CPNE4: variants seen among roughly 807,000 people sequenced by gnomAD.
CPNE4 encodes copine-4.
Under a neutral mutation model 67.9 loss-of-function variants are expected in CPNE4, and 25 were observed. That is an observed-to-expected ratio of 0.37 (90% CI 0.27 to 0.51). The LOEUF (loss-of-function observed/expected upper bound fraction) is 0.51. Ranked by LOEUF, CPNE4 falls within the 20% of genes least tolerant of loss-of-function variation. The pLI, the probability that CPNE4 is intolerant of heterozygous loss-of-function variation, is 0.93. For synonymous variants in CPNE4, 242 were observed against 244.9 expected, an observed-to-expected ratio of 0.99 and a Z score of 0.11; for missense variants, 464 against 690.8, an observed-to-expected ratio of 0.67 and a Z score of 3.68.
chr3:131,696,732 A>G (rs1003551505), intron 4 of CPNE4, 116 bp from the exon 5 acceptor site: 3 of 918,490 alleles, frequency 3.3e-6, no homozygotes, highest in Non-Finnish European at 5.2e-6. Context: ...ATGTTGGGCA[A>G]AGAGTTTTTC....
At chr3:131,924,807 C>A (rs2070849472) in intron 1 of CPNE4, among the ~76,000 whole-genome samples, 1 of 152,130 alleles carries the variant, frequency 6.6e-6, no homozygotes, top group Non-Finnish European at 1.5e-5. Flanking sequence ...GTGTTATCAA[C>A]CAGCTGATGG....
chr3:131,631,034 G>A (rs369252591), intron 7 of CPNE4, among the ~76,000 whole-genome samples: 2 of 152,288 alleles, frequency 1.3e-5, no homozygotes, highest in African/African-American at 2.4e-5. Context: ...TGGGGAATTA[G>A]CATGAAATCT....
chr3:131,769,223 T>C (rs2083102146), intron 2 of CPNE4, among the ~76,000 whole-genome samples: 1 of 152,170 alleles, frequency 6.6e-6, no homozygotes, highest in Non-Finnish European at 1.5e-5. Flanking sequence ...TGGGAAGCTC[T>C]AAAATCAATT....
intron 6 of CPNE4, among the ~76,000 whole-genome samples, chr3:131,678,981 GA>G (rs2080659066): frequency 1.3e-5 from 2 of 151,966 alleles, no homozygotes; most frequent in South Asian, 4.2e-4. Context: ...CCAATTTTTT[GA>G]AATAGTTTCA....
chr3:131,730,030 T>C (rs530946099), intron 2 of CPNE4, among the ~76,000 whole-genome samples: 2 of 152,356 alleles, frequency 1.3e-5, no homozygotes, highest in South Asian at 2.1e-4. Context: ...AACATACTTT[T>C]ATTTCACAGT....
intron 2 of CPNE4, among the ~76,000 whole-genome samples, chr3:131,772,021 A>G (rs140524678): frequency 9.9e-4 from 151 of 152,288 alleles, no homozygotes; most frequent in Non-Finnish European, 1.7e-3. Flanking sequence ...CACAGCACTC[A>G]GTATCCATTC....
rs573348499 is a variant in CPNE4, at chr3:131,804,617, T to C, written c.181-80992A>G. ...TTTCAATTCATCTGCTGAAAAGGTATCGTGTATTTCCCCATCCCTTGTATT... is the reference window on the plus strand; with the variant it reads ...TTTCAATTCATCTGCTGAAAAGGTACCGTGTATTTCCCCATCCCTTGTATT... On this transcript the variant is annotated intron_variant, in intron 2 of 15. Transcript: ENST00000429747. 3.9e-5 allele frequency among the ~76,000 whole-genome samples: 6 copies of C among 152,336 alleles called. No homozygotes were observed. In the East Asian group the frequency reaches 1.2e-3, roughly 29 times the overall value.
Position 132,006,748 on chromosome 3 carries a change from T to C in CPNE4, c.-2+27819A>G, listed in dbSNP as rs2369358. On this transcript the variant is annotated intron_variant, in intron 1 of 15. Transcript: ENST00000429747. The stretch of plus-strand genomic sequence containing the variant: ...TTGAGAAGCAATGAGCAATCAGAAG[T>C]AACTGGATTTCCAAGGTCACAATGG... Among the ~76,000 whole-genome samples the C allele has an allele frequency of 5.8e-3, 876 of 151,860 alleles. 8 individuals carry two copies. Among genetic ancestry groups the C allele is most frequent in the African/African-American group, 0.02 (846 of 41,448 alleles).
intron 2 of CPNE4, among the ~76,000 whole-genome samples, chr3:131,845,023 A>G (rs999177651): frequency 1.3e-5 from 2 of 152,192 alleles, no homozygotes; most frequent in African/African-American, 4.8e-5. Flanking sequence ...TAGTTACTTC[A>G]AACTATATTT....
chr3:131,982,504 GTTA>G (rs1381332437), intron 1 of CPNE4, among the ~76,000 whole-genome samples: 2 of 152,158 alleles, frequency 1.3e-5, no homozygotes, highest in African/African-American at 4.8e-5. Flanking sequence ...CTCAAATGCA[GTTA>G]TTATGTGCTG....
At chr3:131,592,086 A>G (rs1013325310) in intron 7 of CPNE4, among the ~76,000 whole-genome samples, 1 of 152,218 alleles carries the variant, frequency 6.6e-6, no homozygotes, top group East Asian at 1.9e-4. Flanking sequence ...ATGACAGATA[A>G]GTGACTTCTG....
rs547593349 is a variant in CPNE4, at chr3:131,981,626, C to T, written c.-2+52941G>A. Among the ~76,000 whole-genome samples the T allele has an allele frequency of 1.6e-3, 245 of 152,274 alleles. 4 individuals are homozygous for T. Among genetic ancestry groups the T allele is most frequent in the African/African-American group, 5.6e-3 (232 of 41,560 alleles). On this transcript the variant is annotated intron_variant, in intron 1 of 15. Transcript: ENST00000429747. The stretch of plus-strand genomic sequence containing the variant: ...TGGCCAGAAGGCTTCTCATCCAGTT[C>T]AAATTGTTACAAAGTTGAGCTATAG...
At chr3:131,908,482 C>T (rs2088850565) in intron 1 of CPNE4, among the ~76,000 whole-genome samples, 1 of 151,968 alleles carries the variant, frequency 6.6e-6, no homozygotes, top group African/African-American at 2.4e-5. Flanking sequence ...CTGAATTCCG[C>T]TTTTCCCAAT....
At chr3:131,901,122 G>A (rs1259243112) in intron 2 of CPNE4, among the ~76,000 whole-genome samples, 1 of 152,088 alleles carries the variant, frequency 6.6e-6, no homozygotes, top group Non-Finnish European at 1.5e-5. Context: ...GGCATGCCCA[G>A]GAATAGAGCA....
In CPNE4 at chr3:131,848,272, A is replaced by T. The variant is rs151007575; in HGVS notation, c.180+56992T>A. On this transcript the variant is annotated intron_variant, in intron 2 of 15. Transcript: ENST00000429747. ...GAATGTGGAGGTCACAAGCAAATAAAAAAGGGAAAAATGTATTAATACATT... is the reference window on the plus strand; with the variant it reads ...GAATGTGGAGGTCACAAGCAAATAATAAAGGGAAAAATGTATTAATACATT... Among the ~76,000 whole-genome samples, 271 of 152,252 alleles carry T rather than the reference A, an allele frequency of 1.8e-3. 2 individuals carry two copies. The highest frequency in any genetic ancestry group is 6.0e-3 in the African/African-American group (251 of 41,554).
chr3:131,700,833 TGGA>T (rs777944684), intron 3 of CPNE4, among the ~76,000 whole-genome samples: 1 of 151,820 alleles, frequency 6.6e-6, no homozygotes, highest in Non-Finnish European at 1.5e-5. Context: ...AGCAAAGACT[TGGA>T]ACCAACCCAA....
intron 2 of CPNE4, among the ~76,000 whole-genome samples, chr3:131,873,129 A>T (rs2087290341): frequency 6.6e-6 from 1 of 152,146 alleles, no homozygotes; most frequent in African/African-American, 2.4e-5. Flanking sequence ...TCATCATTCC[A>T]TTTACTTTAA....
Position 131,951,544 on chromosome 3 carries a change from AGTCTCCCTCTCCCTCTCTTTCCACG to A in CPNE4, c.-1-46125_-1-46101del, listed in dbSNP as rs879560985. ...TCCCTCTCCTTCACCCTCTCCCCAC[AGTCTCCCTCTCCCTCTCTTTCCACG>A]GTCTCCCTCTCCCTCTCTTTCCATG... On this transcript the variant is annotated intron_variant, in intron 1 of 15. Coordinates refer to ENST00000429747, the MANE Select transcript of CPNE4 (RefSeq NM_130808.3). Among the ~76,000 whole-genome samples, 1,482 of 151,208 alleles carry A rather than the reference AGTCTCCCTCTCCCTCTCTTTCCACG, an allele frequency of 9.8e-3. 25 individuals are homozygous for A. Among genetic ancestry groups the A allele is most frequent in the African/African-American group, 0.032 (1,324 of 41,016 alleles).
intron 7 of CPNE4, among the ~76,000 whole-genome samples, chr3:131,633,286 A>T (rs1373806051): frequency 6.6e-6 from 1 of 151,958 alleles, no homozygotes; most frequent in African/African-American, 2.4e-5. Context: ...TGCTTCCATC[A>T]TTACCTCTCT....
Sources: gnomAD v4.1 joint callset for allele counts (sites outside exome capture counted in the v4.1 genomes callset) on GRCh38, gnomAD v4.1.1 for gene constraint, MANE v1.5 for transcripts, NCBI Gene and HGNC (gene_info 2026-07-23, HGNC 2026-07-21) for gene names.